PCDH15: variants seen among roughly 807,000 people sequenced by gnomAD.
PCDH15 encodes protocadherin-15.
In PCDH15, 129 loss-of-function variants were observed where a neutral mutation model predicts 178.5. That is an observed-to-expected ratio of 0.72 (90% confidence interval 0.63 to 0.84). PCDH15 has a LOEUF of 0.84. Ranked by LOEUF, PCDH15 falls within the 40% of genes least tolerant of loss-of-function variation. The pLI is 0.00. For missense variants in PCDH15, 2,230 were observed against 2,099.9 expected (o/e 1.06, Z -1.21); for synonymous variants, 800 against 732.0 (o/e 1.09, Z -1.50).
chr10:55,564,585 C>T (rs1842263795), intron 2 of PCDH15, among the ~76,000 whole-genome samples: 1 of 151,560 alleles, frequency 6.6e-6, no homozygotes, highest in Admixed American at 6.6e-5. Context: ...GGATTATGGC[C>T]ATGATCCAAC....
chr10:54,678,962 G>A (rs1299285235), intron 1 of PCDH15, among the ~76,000 whole-genome samples: 1 of 151,872 alleles, frequency 6.6e-6, no homozygotes, highest in African/African-American at 2.4e-5. Flanking sequence ...AGGCCGAGGC[G>A]GGCGGATCAC....
chr10:54,105,291 T>G (rs1274110882), intron 15 of PCDH15, among the ~76,000 whole-genome samples: 27 of 85,770 alleles, frequency 3.1e-4, no homozygotes, highest in Non-Finnish European at 4.3e-4. Flanking sequence ...TATATATATA[T>G]ATATATATAT....
In PCDH15 at chr10:53,955,424, C is replaced by T. The variant is rs188026303; in HGVS notation, c.3122+4308G>A. Among the ~76,000 whole-genome samples, 61 of 152,192 alleles carry T rather than the reference C, an allele frequency of 4.0e-4. 1 individual carries two copies. The East Asian group carries it at 8.9e-3, about 22-fold the overall frequency. On this transcript the variant is annotated intron_variant, in intron 23 of 37. Transcript: ENST00000644397. ...TAAGTCAACGGAGTCAGTGACAGAA[C>T]GGGGACGTATGGGTCAATAATTCAG...
chr10:54,601,124 G>A (rs564311178), intron 2 of PCDH15, among the ~76,000 whole-genome samples: 5 of 152,096 alleles, frequency 3.3e-5, no homozygotes, highest in Admixed American at 1.3e-4. Flanking sequence ...TATGTTGATC[G>A]ATGTGAAATG....
intron 18 of PCDH15, among the ~76,000 whole-genome samples, chr10:54,050,489 G>A (rs1260857293): frequency 6.6e-6 from 1 of 151,876 alleles, no homozygotes; most frequent in Admixed American, 6.6e-5. Flanking sequence ...TATAAATCTT[G>A]TTCATCTTTT....
At chr10:54,054,292 C>A (rs987995393) in intron 18 of PCDH15, among the ~76,000 whole-genome samples, 11 of 151,926 alleles carry the variant, frequency 7.2e-5, no homozygotes, top group African/African-American at 2.4e-4. Flanking sequence ...GTCAAAAGGG[C>A]AACTTAGATG....
At chr10:55,382,973 A>G (rs1487250035) in intron 2 of PCDH15, among the ~76,000 whole-genome samples, 1 of 152,212 alleles carries the variant, frequency 6.6e-6, no homozygotes. Context: ...TGGATGGCTA[A>G]GTATTAACCA....
chr10:54,747,822 T>A (rs1945662647), intron 1 of PCDH15, among the ~76,000 whole-genome samples: 1 of 151,644 alleles, frequency 6.6e-6, no homozygotes, highest in African/African-American at 2.4e-5. Context: ...TTTTTTTTTT[T>A]TGAGACGGAG....
chr10:54,360,237 C>T (rs1000268832), intron 5 of PCDH15, among the ~76,000 whole-genome samples: 1 of 152,090 alleles, frequency 6.6e-6, no homozygotes, highest in African/African-American at 2.4e-5. Flanking sequence ...TAACCAACCA[C>T]CTGCTTCCTA....
At chr10:55,032,914 C>T (rs188488655) in intron 2 of PCDH15, among the ~76,000 whole-genome samples, 3 of 152,246 alleles carry the variant, frequency 2.0e-5, no homozygotes, top group Admixed American at 2.0e-4. Context: ...CAAGTCTCTG[C>T]ACCCATTGTT....
At chr10:54,234,684 A>T (rs568333109) in intron 9 of PCDH15, among the ~76,000 whole-genome samples, 45 of 152,296 alleles carry the variant, frequency 3.0e-4, no homozygotes, top group African/African-American at 9.9e-4. Context: ...TACACTCTCA[A>T]CCCCTACAAT....
chr10:53,845,198 T>C (rs2077893379), intron 28 of PCDH15, among the ~76,000 whole-genome samples: 1 of 151,766 alleles, frequency 6.6e-6, no homozygotes, highest in Non-Finnish European at 1.5e-5. Context: ...GTAATTGCTA[T>C]TGTCAAAAAA....
intron 2 of PCDH15, among the ~76,000 whole-genome samples, chr10:55,600,760 T>C (rs1432048944): frequency 1.3e-5 from 2 of 152,176 alleles, no homozygotes; most frequent in Non-Finnish European, 2.9e-5. Flanking sequence ...TTTTACACAA[T>C]ATGCTATTGG....
At chr10:54,463,625 T>C (rs2077333933) in intron 3 of PCDH15, among the ~76,000 whole-genome samples, 1 of 152,020 alleles carries the variant, frequency 6.6e-6, no homozygotes, top group South Asian at 2.1e-4. Context: ...GTCAGAGAGG[T>C]ATAAACACTT....
chr10:54,856,743 G>A (rs78089684), intron 3 of PCDH15, among the ~76,000 whole-genome samples: 1,528 of 152,148 alleles, frequency 0.01, 25 homozygotes, highest in African/African-American at 0.033. Context: ...TTGAATGTGC[G>A]TCTGATGATC....
chr10:55,341,789 ATATATATATATATATATTTTTTTT>A (rs1363203104), intron 2 of PCDH15, among the ~76,000 whole-genome samples: 7 of 20,824 alleles, frequency 3.4e-4, no homozygotes, highest in African/African-American at 1.2e-3. Flanking sequence ...ATATATATAT[ATATATATATATATATATTTTTTTT>A]TTTTTTTTTT....
chr10:54,471,954 T>G (rs2077947873), intron 3 of PCDH15, among the ~76,000 whole-genome samples: 2 of 152,116 alleles, frequency 1.3e-5, no homozygotes, highest in African/African-American at 4.8e-5. Context: ...AAAACATAAT[T>G]TTTATATGAC....
intron 2 of PCDH15, among the ~76,000 whole-genome samples, chr10:54,952,054 AGCTATTCAAGTTT>A (rs1838358457): frequency 6.6e-6 from 1 of 151,856 alleles, no homozygotes; most frequent in African/African-American, 2.4e-5. Context: ...AATAAAATTC[AGCTATTCAAGTTT>A]GTCTTTCATG....
intron 20 of PCDH15, among the ~76,000 whole-genome samples, chr10:54,003,605 T>C (rs1281722963): frequency 6.6e-6 from 1 of 151,740 alleles, no homozygotes; most frequent in Non-Finnish European, 1.5e-5. Flanking sequence ...TAACAAGATA[T>C]AGCAAATAAC....
Sources: allele counts gnomAD v4.1 joint callset (sites outside exome capture counted in the v4.1 genomes callset), GRCh38; gene constraint gnomAD v4.1.1; transcripts MANE v1.5; gene names NCBI Gene and HGNC (gene_info 2026-07-23, HGNC 2026-07-21).